The following POU6F2 variants were observed in gnomAD, a reference collection of about 807,000 sequenced individuals.
The protein encoded by POU6F2 is POU class 6 homeobox 2, also known as POU domain, class 6, transcription factor 2.
POU6F2 carries 31 observed loss-of-function variants against 71.3 expected under a neutral mutation model. That is an observed-to-expected ratio of 0.43 (90% CI 0.33 to 0.59). The LOEUF (loss-of-function observed/expected upper bound fraction) is 0.59, where lower values mean the gene tolerates loss of function less well. Among genes scored for constraint, POU6F2 ranks in the 20% least tolerant of loss-of-function variants. The pLI is 0.04. For missense variants in POU6F2, 783 were observed against 856.8 expected (o/e 0.91, Z 1.07); for synonymous variants, 347 against 355.7 (o/e 0.98, Z 0.27).
intron 4 of POU6F2, among the ~76,000 whole-genome samples, chr7:39,309,147 C>T (rs1216112969): frequency 6.6e-6 from 1 of 152,134 alleles, no homozygotes; most frequent in East Asian, 1.9e-4. Context: ...GGGAGGGAGT[C>T]GGGCACAGAA....
At chr7:38,992,249 A>G (rs1005960864) in intron 1 of POU6F2, among the ~76,000 whole-genome samples, 2 of 152,148 alleles carry the variant, frequency 1.3e-5, no homozygotes, top group African/African-American at 4.8e-5. Flanking sequence ...CCCTCTCAAC[A>G]TTCCTTGTCT....
intron 2 of POU6F2, among the ~76,000 whole-genome samples, chr7:39,158,767 C>T (rs534306589): frequency 7.2e-5 from 11 of 152,232 alleles, no homozygotes; most frequent in African/African-American, 2.4e-4. Flanking sequence ...TTACTCAGTT[C>T]GCTGATTGAA....
chr7:39,066,691 A>G (rs1276984679), intron 1 of POU6F2, among the ~76,000 whole-genome samples: 1 of 151,142 alleles, frequency 6.6e-6, no homozygotes, highest in African/African-American at 2.4e-5. Flanking sequence ...TGATGGTAAC[A>G]CTGAATATTA....
At chr7:39,099,391 G>A (rs1791523491) in intron 2 of POU6F2, among the ~76,000 whole-genome samples, 1 of 152,182 alleles carries the variant, frequency 6.6e-6, no homozygotes, top group Non-Finnish European at 1.5e-5. Flanking sequence ...CTCCCTCCAA[G>A]GGAATTTGCC....
intron 4 of POU6F2, among the ~76,000 whole-genome samples, chr7:39,309,595 A>G (rs1321405083): frequency 6.6e-6 from 1 of 152,252 alleles, no homozygotes; most frequent in Non-Finnish European, 1.5e-5. Context: ...CACAAACTGA[A>G]GGGCATTTAA....
chr7:39,003,175 G>A (rs182905670), intron 1 of POU6F2, among the ~76,000 whole-genome samples: 217 of 152,092 alleles, frequency 1.4e-3, no homozygotes, highest in African/African-American at 5.1e-3. Flanking sequence ...ATTTATGGAT[G>A]TGTACAAAAA....
chr7:39,109,726 C>T (rs1791764724), intron 2 of POU6F2, among the ~76,000 whole-genome samples: 2 of 152,120 alleles, frequency 1.3e-5, no homozygotes, highest in Admixed American at 1.3e-4. Flanking sequence ...AAATGTAAAT[C>T]GTATAGGTAG....
chr7:39,172,443 C>G (rs1037062275), intron 2 of POU6F2, among the ~76,000 whole-genome samples: 3 of 152,076 alleles, frequency 2.0e-5, no homozygotes, highest in Non-Finnish European at 4.4e-5. Flanking sequence ...CCCTATAGAA[C>G]TTAACATAGT....
At chr7:39,113,778 A>G (rs1791870472) in intron 2 of POU6F2, among the ~76,000 whole-genome samples, 1 of 152,174 alleles carries the variant, frequency 6.6e-6, no homozygotes, top group South Asian at 2.1e-4. Flanking sequence ...ATAATTTGTG[A>G]ACACATGGAG....
chr7:38,985,653 A>C (rs1788444764), intron 1 of POU6F2, among the ~76,000 whole-genome samples: 1 of 152,074 alleles, frequency 6.6e-6, no homozygotes, highest in Admixed American at 6.6e-5. Flanking sequence ...AAGTTTGAAA[A>C]TTTCTCTCTG....
chr7:39,222,087 T>C (rs1008289648), intron 4 of POU6F2, among the ~76,000 whole-genome samples: 5 of 152,222 alleles, frequency 3.3e-5, no homozygotes, highest in Non-Finnish European at 7.3e-5. Flanking sequence ...ACACAGAATT[T>C]GGTTTGTTTA....
intron 4 of POU6F2, among the ~76,000 whole-genome samples, chr7:39,233,443 A>G (rs1794614593): frequency 6.6e-6 from 1 of 152,210 alleles, no homozygotes; most frequent in Non-Finnish European, 1.5e-5. Flanking sequence ...ACTATTTTAG[A>G]AATAAGATAC....
intron 1 of POU6F2, among the ~76,000 whole-genome samples, chr7:38,989,583 A>AT (rs1788549092): frequency 6.6e-6 from 1 of 152,058 alleles, no homozygotes; most frequent in African/African-American, 2.4e-5. Context: ...GCTGGAAGAA[A>AT]TTTTTTAGGG....
chr7:39,360,727 TTTATGG>T (rs1786368067), intron 5 of POU6F2, among the ~76,000 whole-genome samples: 1 of 152,208 alleles, frequency 6.6e-6, no homozygotes, highest in African/African-American at 2.4e-5. Flanking sequence ...GTTGCCCATT[TTTATGG>T]TTATTTCTTG....
At chr7:39,056,011 T>A (rs1009383471) in intron 1 of POU6F2, among the ~76,000 whole-genome samples, 1 of 149,616 alleles carries the variant, frequency 6.7e-6, no homozygotes. Flanking sequence ...CTTTAATCTT[T>A]AAAAAAAAAA....
At chr7:39,458,789 T>C (rs538474580) in intron 8 of POU6F2, among the ~76,000 whole-genome samples, 1 of 151,618 alleles carries the variant, frequency 6.6e-6, no homozygotes, top group Non-Finnish European at 1.5e-5. Context: ...TAGCACGAAC[T>C]CCTGCTTCAC....
chr7:39,101,862 A>G (rs1791581952), intron 2 of POU6F2, among the ~76,000 whole-genome samples: 1 of 152,198 alleles, frequency 6.6e-6, no homozygotes, highest in African/African-American at 2.4e-5. Context: ...TAGTCAATTA[A>G]AAAATTTAAA....
At chr7:39,375,846 T>C (rs552706703) in intron 5 of POU6F2, among the ~76,000 whole-genome samples, 73 of 152,192 alleles carry the variant, frequency 4.8e-4, no homozygotes, top group African/African-American at 1.6e-3. Flanking sequence ...AAAGAGCAAT[T>C]TGGGGGTGGA....
chr7:39,321,916 GAT>G (rs1785403510), intron 4 of POU6F2, among the ~76,000 whole-genome samples: 1 of 151,754 alleles, frequency 6.6e-6, no homozygotes, highest in African/African-American at 2.4e-5. Context: ...CAGAGAGAGA[GAT>G]AGAGAGAGAG....
Sources: gnomAD v4.1 joint callset for allele counts (sites outside exome capture counted in the v4.1 genomes callset) on GRCh38, gnomAD v4.1.1 for gene constraint, MANE v1.5 for transcripts, NCBI Gene and HGNC (gene_info 2026-07-23, HGNC 2026-07-21) for gene names.